Variants in ZHX2 observed in about 807,000 individuals in gnomAD.
ZHX2 encodes the protein zinc fingers and homeoboxes 2, also known as zinc fingers and homeoboxes protein 2.
In ZHX2, 6 loss-of-function variants were observed where a neutral mutation model predicts 21.9. That is an observed-to-expected ratio of 0.27 (90% CI 0.15 to 0.54). The LOEUF is 0.54. Among genes scored for constraint, ZHX2 ranks in the 20% least tolerant of loss-of-function variants. The pLI, the probability that ZHX2 is intolerant of heterozygous loss-of-function variation, is 0.95. For synonymous variants in ZHX2, 434 were observed against 437.1 expected (o/e 0.99, Z 0.09); for missense variants, 908 against 1,090.7 (o/e 0.83, Z 2.36).
intron 2 of ZHX2, among the ~76,000 whole-genome samples, chr8:122,950,194 G>A (rs1176347862): frequency 6.6e-6 from 1 of 152,114 alleles, no homozygotes; most frequent in Non-Finnish European, 1.5e-5. Flanking sequence ...CAGTTTTGTT[G>A]ATAAGAGCCA....
intron 3 of ZHX2, among the ~76,000 whole-genome samples, chr8:122,964,873 G>A (rs1422744010): frequency 6.6e-6 from 1 of 151,916 alleles, no homozygotes; most frequent in Non-Finnish European, 1.5e-5. Context: ...AATCTAGGAA[G>A]GTTGTATATT....
chr8:122,900,153 A>G (rs754400485), intron 2 of ZHX2, among the ~76,000 whole-genome samples: 1 of 152,190 alleles, frequency 6.6e-6, no homozygotes, highest in Non-Finnish European at 1.5e-5. Flanking sequence ...TTGTGTTGCT[A>G]TAAAGGAGTA....
intron 1 of ZHX2, chr8:122,863,253 G>A (rs1341647730): frequency 6.8e-6 from 1 of 148,038 alleles, no homozygotes; most frequent in Non-Finnish European, 1.5e-5. Context: ...ACTCATCCAG[G>A]GCTAGGGTCT....
At chr8:122,842,285 C>T (rs2130713947) in intron 1 of ZHX2, among the ~76,000 whole-genome samples, 1 of 152,318 alleles carries the variant, frequency 6.6e-6, no homozygotes, top group East Asian at 1.9e-4. Context: ...CTCAGGGCCC[C>T]CAGTCCTACC....
intron 1 of ZHX2, among the ~76,000 whole-genome samples, chr8:122,845,937 G>A (rs975215393): frequency 6.6e-6 from 1 of 152,214 alleles, no homozygotes; most frequent in African/African-American, 2.4e-5. Context: ...GTTTAAGCGG[G>A]AGAGCGCTGC....
At chr8:122,891,872 T>G (rs539597393) in intron 2 of ZHX2, among the ~76,000 whole-genome samples, 6 of 152,360 alleles carry the variant, frequency 3.9e-5, no homozygotes, top group Admixed American at 2.0e-4. Context: ...TTCCATGTGC[T>G]AATGAAAAGA....
At chr8:122,791,647 C>T (rs1404833963) in intron 1 of ZHX2, among the ~76,000 whole-genome samples, 1 of 152,150 alleles carries the variant, frequency 6.6e-6, no homozygotes, top group Non-Finnish European at 1.5e-5. Context: ...GGTAGATCAC[C>T]TGAGGTCAAG....
chr8:122,838,461 G>C (rs1268626388), intron 1 of ZHX2, among the ~76,000 whole-genome samples: 1 of 151,670 alleles, frequency 6.6e-6, no homozygotes, highest in African/African-American at 2.4e-5. Context: ...AAGAAAACAA[G>C]GTTCAACAAG....
chr8:122,933,742 G>A (rs1238653384), intron 2 of ZHX2, among the ~76,000 whole-genome samples: 1 of 152,194 alleles, frequency 6.6e-6, no homozygotes, highest in Non-Finnish European at 1.5e-5. Flanking sequence ...TTGAAACTTA[G>A]GTAGATACAC....
chr8:122,847,273 C>G (rs1364931066), intron 1 of ZHX2, among the ~76,000 whole-genome samples: 2 of 152,174 alleles, frequency 1.3e-5, no homozygotes, highest in African/African-American at 4.8e-5. Context: ...CTGCACTTCT[C>G]CCGTCAAGTC....
At chr8:122,803,840 C>G (rs1214590607) in intron 1 of ZHX2, among the ~76,000 whole-genome samples, 1 of 152,160 alleles carries the variant, frequency 6.6e-6, no homozygotes, top group Non-Finnish European at 1.5e-5. Flanking sequence ...ATCAGAATCT[C>G]TGGAATATGG....
intron 2 of ZHX2, among the ~76,000 whole-genome samples, chr8:122,939,579 A>T (rs894119439): frequency 3.9e-5 from 6 of 152,208 alleles, no homozygotes; most frequent in Non-Finnish European, 5.9e-5. Flanking sequence ...TTTAACAGGG[A>T]GACCAACTAC....
intron 2 of ZHX2, among the ~76,000 whole-genome samples, chr8:122,889,052 T>C (rs1222483551): frequency 3.3e-5 from 5 of 152,254 alleles, no homozygotes; most frequent in Admixed American, 6.5e-5. Context: ...TTCATCCATG[T>C]TGCTACAAAT....
At chr8:122,826,603 CGGAGCTA>C (rs1818270930) in intron 1 of ZHX2, among the ~76,000 whole-genome samples, 1 of 152,166 alleles carries the variant, frequency 6.6e-6, no homozygotes, top group Admixed American at 6.5e-5. Flanking sequence ...AATCCTGACA[CGGAGCTA>C]ACAGAGGTGC....
At chr8:122,884,805 T>C (rs892633088) in intron 2 of ZHX2, among the ~76,000 whole-genome samples, 7 of 152,136 alleles carry the variant, frequency 4.6e-5, no homozygotes, top group African/African-American at 1.7e-4. Context: ...CACATCCAGC[T>C]TCCAGTCCTT....
At chr8:122,846,572 A>G (rs1818756058) in intron 1 of ZHX2, among the ~76,000 whole-genome samples, 1 of 133,524 alleles carries the variant, frequency 7.5e-6, no homozygotes, top group East Asian at 2.2e-4. Context: ...TTTTTTTGCC[A>G]GTCTCCATGG....
At chr8:122,961,504 C>A (rs945141883) in intron 3 of ZHX2, among the ~76,000 whole-genome samples, 2 of 152,084 alleles carry the variant, frequency 1.3e-5, no homozygotes, top group Non-Finnish European at 2.9e-5. Context: ...AAGAACTGCC[C>A]AAGACTAGGT....
At chr8:122,947,849 C>T (rs1235943273) in intron 2 of ZHX2, among the ~76,000 whole-genome samples, 1 of 151,850 alleles carries the variant, frequency 6.6e-6, no homozygotes, top group African/African-American at 2.4e-5. Flanking sequence ...CCTGCCAGGT[C>T]TTGGTGGTGC....
chr8:122,947,123 A>G (rs918187291), intron 2 of ZHX2, among the ~76,000 whole-genome samples: 15 of 148,046 alleles, frequency 1.0e-4, no homozygotes, highest in African/African-American at 3.7e-4. Flanking sequence ...AAAATTAGTC[A>G]GGCATGGTGG....
Sources: gnomAD v4.1 joint callset for allele counts (sites outside exome capture counted in the v4.1 genomes callset) on GRCh38, gnomAD v4.1.1 for gene constraint, MANE v1.5 for transcripts, NCBI Gene and HGNC (gene_info 2026-07-23, HGNC 2026-07-21) for gene names.